Variants in RANGAP1 observed in about 807,000 individuals in gnomAD.
RANGAP1 encodes ran GTPase-activating protein 1.
Under a neutral mutation model 63.5 loss-of-function variants are expected in RANGAP1, and 38 were observed. The ratio of observed to expected loss-of-function variants is 0.60; its 90% CI spans 0.46 to 0.78. The LOEUF (loss-of-function observed/expected upper bound fraction) is 0.78, where lower values mean the gene tolerates loss of function less well. Among genes scored for constraint, RANGAP1 ranks in the 30% least tolerant of loss-of-function variants. RANGAP1 has a pLI of 0.00. For synonymous variants in RANGAP1, 329 were observed against 310.5 expected (o/e 1.06, Z -0.63); for missense variants, 630 against 740.3 (o/e 0.85, Z 1.73).
rs372073357 is a variant in RANGAP1, at chr22:41,254,482, G to A, written c.1086C>T (p.Asp362=). 119 of 1,589,076 alleles carry A rather than the reference G, an allele frequency of 7.5e-5. No individual in the cohort carries two copies. The highest frequency in any genetic ancestry group is 6.7e-4 in the Middle Eastern group (4 of 6,014). Reference sequence around the variant, plus strand: ...CTTCTCCTTCCTCCTCCTCCTCCTCGTCCTCGTCATCACTGCAGAAAGAGC... The same window carrying A: ...CTTCTCCTTCCTCCTCCTCCTCCTCATCCTCGTCATCACTGCAGAAAGAGC... ...KVLASLSDDE[D]EEEEEEGEEE... Residue 362 remains aspartate, a synonymous_variant, in exon 11 of 16, where the codon GAC becomes GAT. Transcript: ENST00000356244.
intron 6 of RANGAP1, 40 bp downstream of exon 6, chr22:41,261,406 C>T (rs1391663569): frequency 1.2e-6 from 2 of 1,613,206 alleles, no homozygotes; most frequent in South Asian, 1.1e-5. Flanking sequence ...GCCGAGTGCA[C>T]CTCAAGGCTG....
chr22:41,287,243 T>C (rs1219141541), upstream of RANGAP1, among the ~76,000 whole-genome samples: 2 of 152,284 alleles, frequency 1.3e-5, no homozygotes, highest in East Asian at 1.9e-4. Context: ...TACATATACA[T>C]AGAGAAAGCA....
chr22:41,266,539 CT>C (rs952515997), intron 4 of RANGAP1, among the ~76,000 whole-genome samples: 1 of 151,502 alleles, frequency 6.6e-6, no homozygotes, highest in South Asian at 2.1e-4. Context: ...ACTTGAAATT[CT>C]TTTTTTTTGA....
chr22:41,256,523 C>T (rs2033845220), intron 8 of RANGAP1, among the ~76,000 whole-genome samples, 188 bp downstream of exon 8: 1 of 152,190 alleles, frequency 6.6e-6, no homozygotes. Context: ...CTCCCTGCCT[C>T]CCGCTTTAGA....
intron 5 of RANGAP1, among the ~76,000 whole-genome samples, 180 bp from the exon 6 acceptor site, chr22:41,261,760 A>G (rs1183998722): frequency 6.6e-6 from 1 of 151,932 alleles, no homozygotes; most frequent in Non-Finnish European, 1.5e-5. Context: ...TCAGTTACAC[A>G]AGGTTTTTAT....
chr22:41,249,474 C>T (rs543664547), intron 14 of RANGAP1, 23 bp from the exon 15 acceptor site: 25 of 1,597,676 alleles, frequency 1.6e-5, no homozygotes, highest in South Asian at 1.3e-4. Flanking sequence ...CAGCGAAAAG[C>T]GGGGTGAGCT....
chr22:41,257,095 TCCCTCTGCCTGAAACACCCATCCCCCA>T lies in RANGAP1; in HGVS notation c.775-298_775-272del, dbSNP rs1249279012. Among the ~76,000 whole-genome samples the T allele has an allele frequency of 6.6e-6, 1 of 152,044 alleles. No homozygotes were observed. The highest frequency in any genetic ancestry group is 6.6e-5 in the Admixed American group (1 of 15,254). On this transcript the variant is annotated intron_variant, in intron 7 of 15. Coordinates refer to ENST00000356244, the MANE Select transcript of RANGAP1 (RefSeq NM_002883.4). This position sits in a 1 kb window ranked among gnomAD's most constrained non-coding sequence, Gnocchi z 4.0. ...TCCGGGTCTTCCACACGTAAGCTGA[TCCCTCTGCCTGAAACACCCATCCCCCA>T]CCCTCTGTCCAGAGAAAGACCACTT...
chr22:41,256,920 G>T, intron 7 of RANGAP1, 96 bp from the exon 8 acceptor site: 1 of 846,650 alleles, frequency 1.2e-6, no homozygotes. Flanking sequence ...TCCCAAGCCA[G>T]CCACCACACA....
chr22:41,261,363 T>G, intron 6 of RANGAP1, 83 bp downstream of exon 6: 1 of 1,581,740 alleles, frequency 6.3e-7, no homozygotes. Context: ...GTGCCAGCCC[T>G]GGGATTAGCA....
At chr22:41,255,960 A>G (rs897102830) in intron 10 of RANGAP1, 61 bp downstream of exon 10, 2 of 1,512,212 alleles carry the variant, frequency 1.3e-6, no homozygotes, top group East Asian at 2.3e-5. Context: ...TCTCAAGAAC[A>G]AAAGAAAGAA....
At chr22:41,270,381 G>A (rs1384863327) in intron 3 of RANGAP1, among the ~76,000 whole-genome samples, 7 of 152,184 alleles carry the variant, frequency 4.6e-5, no homozygotes, top group Non-Finnish European at 7.3e-5. Flanking sequence ...CTGACCTCAG[G>A]TGATCCACCT....
chr22:41,277,901 T>G (rs2035249227), intron 2 of RANGAP1, among the ~76,000 whole-genome samples: 2 of 152,182 alleles, frequency 1.3e-5, no homozygotes, highest in Non-Finnish European at 2.9e-5. Flanking sequence ...ATCATTCCTA[T>G]TCCAGATTTG....
At chr22:41,248,822 T>A (rs1045267151) in intron 15 of RANGAP1, among the ~76,000 whole-genome samples, 1 of 152,204 alleles carries the variant, frequency 6.6e-6, no homozygotes, top group Non-Finnish European at 1.5e-5. Context: ...GGTTCACACA[T>A]TGCTGGGCAT....
chr22:41,272,670 G>A (rs984226217), intron 3 of RANGAP1, among the ~76,000 whole-genome samples: 3 of 151,964 alleles, frequency 2.0e-5, no homozygotes, highest in African/African-American at 4.8e-5. Flanking sequence ...ACAGGCACAC[G>A]CCACCACACC....
In RANGAP1 at chr22:41,268,091, G is replaced by T; in HGVS notation, c.300+6C>A. 1 of 1,545,718 alleles carries T rather than the reference G, an allele frequency of 6.5e-7. No homozygotes were observed. ...CGTGGAGGGGAAGAGCGGCTAGTTCGCTTACCAGGGCTGGTGGGATCTCGG... is the reference window on the plus strand; with the variant it reads ...CGTGGAGGGGAAGAGCGGCTAGTTCTCTTACCAGGGCTGGTGGGATCTCGG... On this transcript the variant is annotated splice_donor_region_variant and intron_variant, in intron 4 of 15. Coordinates refer to ENST00000356244, the MANE Select transcript of RANGAP1 (RefSeq NM_002883.4).
intron 15 of RANGAP1, among the ~76,000 whole-genome samples, chr22:41,248,886 G>A (rs1440812147): frequency 6.6e-6 from 1 of 152,230 alleles, no homozygotes; most frequent in Admixed American, 6.5e-5. Flanking sequence ...GGGCTGCAGA[G>A]CCTGGTGTGA....
At chr22:41,285,461 A>G (rs1003866982) in intron 1 of RANGAP1, 67 of 974,116 alleles carry the variant, frequency 6.9e-5, no homozygotes, top group Non-Finnish European at 7.6e-5. Context: ...TAATAGAGAA[A>G]CATCCTCTCC....
At chr22:41,261,420 G>A (rs769961321) in intron 6 of RANGAP1, 26 bp downstream of exon 6, 37 of 1,613,870 alleles carry the variant, frequency 2.3e-5, no homozygotes, top group Non-Finnish European at 2.9e-5. Context: ...AAGGCTGCAG[G>A]GGCAGGATGG....
chr22:41,290,689 T>A (rs1455363770), upstream of RANGAP1, among the ~76,000 whole-genome samples: 1 of 152,254 alleles, frequency 6.6e-6, no homozygotes, highest in African/African-American at 2.4e-5. Flanking sequence ...AGGCTGCCTC[T>A]GATTAGTCTG....
Sources: gnomAD v4.1 joint callset for allele counts (sites outside exome capture counted in the v4.1 genomes callset) on GRCh38, gnomAD v4.1.1 for gene constraint, Gnocchi (gnomAD v3.1) non-coding constraint, MANE v1.5 for transcripts, NCBI Gene and HGNC (gene_info 2026-07-23, HGNC 2026-07-21) for gene names.